HTT: variants seen among roughly 807,000 people sequenced by gnomAD.
The protein encoded by HTT is huntington disease protein.
Under a neutral mutation model 362.3 loss-of-function variants are expected in HTT, and 104 were observed. The ratio of observed to expected loss-of-function variants is 0.29; its 90% CI spans 0.24 to 0.34. The LOEUF is 0.34. Ranked by LOEUF, HTT falls within the 10% of genes least tolerant of loss-of-function variation. The probability of loss-of-function intolerance (pLI) is 1.00; values close to 1 mark genes in which losing one functional copy is unlikely to be tolerated. For missense variants in HTT, 3,301 were observed against 3,928.6 expected (o/e 0.84, Z 4.27); for synonymous variants, 1,577 against 1,548.7 (o/e 1.02, Z -0.43).
In HTT at chr4:3,225,761, G is replaced by T; in HGVS notation, c.7848+18G>T. 1.9e-6 allele frequency: 3 copies of T among 1,597,906 alleles called. No homozygotes were observed. The highest frequency in any genetic ancestry group is 2.6e-6 in the Non-Finnish European group (3 of 1,168,886). ...TCGGCCAGGTCAGTCTCGCGCCCCC[G>T]CCGCCTGGCCTCTGTCCGTTTCTGT... is the stretch of plus-strand genomic sequence containing the variant. On this transcript the variant is annotated intron_variant, in intron 57 of 66. Coordinates refer to ENST00000355072, the MANE Select transcript of HTT (RefSeq NM_001388492.1).
chr4:3,195,945 C>T (rs1483206276), intron 40 of HTT, among the ~76,000 whole-genome samples: 1 of 152,144 alleles, frequency 6.6e-6, no homozygotes, highest in Non-Finnish European at 1.5e-5. Flanking sequence ...ACAGCCCCAC[C>T]CTGTAAAAGG....
rs1336923589 is a variant in HTT, at chr4:3,242,479, C to A, written c.*2420C>A. The A allele has an allele frequency of 1.3e-5, 2 of 152,240 alleles. No homozygotes were observed. Among genetic ancestry groups the A allele is most frequent in the South Asian group, 4.2e-4 (2 of 4,818 alleles). The allele number at this position is 152,240 out of a possible 1,614,324, so 9.4% of individuals were successfully genotyped here. A position where few individuals can be genotyped will look rare whatever the true frequency, so the allele number is the denominator to read the frequency against. On this transcript the variant is annotated 3_prime_UTR_variant, in exon 67 of 67. Transcript: ENST00000355072. ...GCATGGCCTCTAAGAGTGCCCGTGT[C>A]GGTTCTTCCTGGAAGTTGACTTTCC...
Position 3,074,704 on chromosome 4 carries a change from G to A in HTT, c.-122G>A, listed in dbSNP as rs1367808964. 1.9e-6 allele frequency: 2 copies of A among 1,078,140 alleles called. No individual in the cohort carries two copies. The highest frequency in any genetic ancestry group is 2.5e-6 in the Non-Finnish European group (2 of 796,206). The allele number at this position is 1,078,140 out of a possible 1,614,324, so 66.8% of individuals were successfully genotyped here. A position where few individuals can be genotyped will look rare whatever the true frequency, so the allele number is the denominator to read the frequency against. On this transcript the variant is annotated 5_prime_UTR_variant, in exon 1 of 67. Transcript: ENST00000355072. ...GGGCTGCCGGGACGGGTCCAAGATG[G>A]ACGGCCGCTCAGGTTCTGCTTTTAC... is the stretch of plus-strand genomic sequence containing the variant.
rs150397995 is a variant in HTT, at chr4:3,158,763, CT to C, written c.3754-1518del. 5.0e-3 allele frequency among the ~76,000 whole-genome samples: 766 copies of C among 152,114 alleles called. 4 individuals are homozygous for C. The highest frequency in any genetic ancestry group is 8.0e-3 in the Non-Finnish European group (546 of 67,980). On this transcript the variant is annotated intron_variant, in intron 28 of 66. Coordinates refer to ENST00000355072, the MANE Select transcript of HTT (RefSeq NM_001388492.1). The stretch of plus-strand genomic sequence containing the variant: ...TTACAAGGTTTGAGGTCTCTTTAAG[CT>C]GCATGGTTCTCATGTCAGCTCCCAA...
At chr4:3,151,285 C>T (rs1386416083) in intron 26 of HTT, among the ~76,000 whole-genome samples, 2 of 152,118 alleles carry the variant, frequency 1.3e-5, no homozygotes, top group South Asian at 2.1e-4. Context: ...AGGAAACTTG[C>T]AGTCATGGCA....
rs925511967 is a variant in HTT, at chr4:3,187,949, C to T, written c.5225+63C>T. 4 of 948,198 alleles carry T rather than the reference C, an allele frequency of 4.2e-6. No homozygotes were observed. In the African/African-American group the frequency reaches 5.0e-5, roughly 12 times the overall value. 58.7% of individuals were successfully genotyped at this position (948,198 alleles called of 1,614,324 possible). A position where few individuals can be genotyped will look rare whatever the true frequency, so the allele number is the denominator to read the frequency against. On this transcript the variant is annotated intron_variant, in intron 39 of 66. Transcript: ENST00000355072. The stretch of plus-strand genomic sequence containing the variant: ...TTTTGGGAAGTCACGTGATGTTTCA[C>T]AGTCAGTAAGTCTGGAATAATACCT...
intron 4 of HTT, among the ~76,000 whole-genome samples, chr4:3,104,591 G>A (rs1714332668): frequency 6.6e-6 from 1 of 152,074 alleles, no homozygotes; most frequent in South Asian, 2.1e-4. Context: ...CTGAGCGACA[G>A]AGTGAGACTT....
Position 3,206,413 on chromosome 4 carries a change from C to G in HTT, c.5719-83C>G. The G allele has an allele frequency of 9.7e-7, 1 of 1,033,274 alleles. No individual in the cohort carries two copies. Among genetic ancestry groups the G allele is most frequent in the Middle Eastern group, 2.1e-4 (1 of 4,854 alleles). 64.0% of individuals were successfully genotyped at this position (1,033,274 alleles called of 1,614,324 possible). On this transcript the variant is annotated intron_variant, in intron 42 of 66. Transcript: ENST00000355072. This position sits in a 1 kb window ranked among gnomAD's most constrained non-coding sequence, Gnocchi z 4.6. ...TTTGGGATGTGTTTTCTCCTTCTTA[C>G]CCTTTCTGGCCTTTCTATGGCATTA...
Position 3,206,320 on chromosome 4 carries a change from G to A in HTT, c.5719-176G>A, listed in dbSNP as rs148884080. Among the ~76,000 whole-genome samples, 1 of 152,336 alleles carries A rather than the reference G, an allele frequency of 6.6e-6. No homozygotes were observed. Among genetic ancestry groups the A allele is most frequent in the East Asian group, 1.9e-4 (1 of 5,194 alleles). On this transcript the variant is annotated intron_variant, in intron 42 of 66. Transcript: ENST00000355072. This position sits in a 1 kb window ranked among gnomAD's most constrained non-coding sequence, Gnocchi z 4.6. Reference sequence around the variant, plus strand: ...TGCGTGGTTGGAGGTGACGGCCTTGGTAAATCGAGTTTCCTACCTCCTCAA... The same window carrying A: ...TGCGTGGTTGGAGGTGACGGCCTTGATAAATCGAGTTTCCTACCTCCTCAA...
chr4:3,121,874 A>G (rs975195370), intron 9 of HTT, among the ~76,000 whole-genome samples: 2 of 152,158 alleles, frequency 1.3e-5, no homozygotes, highest in Non-Finnish European at 2.9e-5. Context: ...AATAAATTTA[A>G]AAATAAAATA....
chr4:3,187,217 G>A (rs1208911952), intron 38 of HTT, among the ~76,000 whole-genome samples: 1 of 150,010 alleles, frequency 6.7e-6, no homozygotes, highest in Non-Finnish European at 1.5e-5. Flanking sequence ...GTACAGTGGC[G>A]CTACCTCGAC....
intron 23 of HTT, 126 bp downstream of exon 23, chr4:3,143,012 C>G (rs1012252308): frequency 3.1e-5 from 20 of 645,056 alleles, no homozygotes; most frequent in African/African-American, 3.1e-4. Context: ...ATCCATGAGG[C>G]TTGCTAAGAA....
intron 47 of HTT, among the ~76,000 whole-genome samples, chr4:3,211,299 A>G (rs559709711): frequency 6.6e-6 from 1 of 152,218 alleles, no homozygotes; most frequent in African/African-American, 2.4e-5. Context: ...CAAATTTGCT[A>G]ATTGGGCTTT....
chr4:3,208,412 T>G, intron 45 of HTT, among the ~76,000 whole-genome samples: 1 of 152,380 alleles, frequency 6.6e-6, no homozygotes, highest in African/African-American at 2.4e-5. Flanking sequence ...ATTTGTGCAT[T>G]TGAGTCTTAG....
intron 21 of HTT, among the ~76,000 whole-genome samples, chr4:3,137,780 T>C (rs1175388941): frequency 2.0e-5 from 3 of 152,390 alleles, no homozygotes; most frequent in Non-Finnish European, 2.9e-5. Context: ...TGGCTTCTTT[T>C]ACTTAATTGT....
At chr4:3,133,359 G>A (rs1715911590) in intron 18 of HTT, among the ~76,000 whole-genome samples, 2 of 151,382 alleles carry the variant, frequency 1.3e-5, no homozygotes, top group Admixed American at 1.3e-4. Flanking sequence ...TGGGTATGGT[G>A]GTGCATACCT....
intron 40 of HTT, among the ~76,000 whole-genome samples, chr4:3,193,924 A>G (rs1020867440): frequency 6.6e-6 from 1 of 152,106 alleles, no homozygotes; most frequent in African/African-American, 2.4e-5. Context: ...AACATTTGCA[A>G]GTAAGTTGTG....
In HTT at chr4:3,182,449, C is replaced by G. The variant is rs769488066; in HGVS notation, c.4845C>G (p.Leu1615=). 8.7e-6 allele frequency: 14 copies of G among 1,612,948 alleles called. No homozygotes were observed. In the East Asian group the frequency reaches 8.9e-5, roughly 10 times the overall value. The change falls in exon 37 of 67, where the codon CTC becomes CTG. Residue 1615 remains leucine (L), a synonymous_variant. Transcript: ENST00000355072. ...RLSRQIADII[L]PMLAKQQMHI... is the part of the protein sequence containing the mutation. Reference sequence around the variant, plus strand: ...CTCGACAGATAGCTGACATCATCCTCCCAATGTTAGCCAAACAGCAGGTTT... The same window carrying G: ...CTCGACAGATAGCTGACATCATCCTGCCAATGTTAGCCAAACAGCAGGTTT...
intron 41 of HTT, among the ~76,000 whole-genome samples, chr4:3,201,879 A>G (rs1418911028): frequency 2.0e-5 from 3 of 152,192 alleles, no homozygotes. Context: ...TTTTTTAGCC[A>G]TAGACTCAGC....
Sources: gnomAD v4.1 joint callset for allele counts (sites outside exome capture counted in the v4.1 genomes callset) on GRCh38, gnomAD v4.1.1 for gene constraint, Gnocchi (gnomAD v3.1) non-coding constraint, MANE v1.5 for transcripts, NCBI Gene and HGNC (gene_info 2026-07-23, HGNC 2026-07-21) for gene names.